CSMD3: variants seen among roughly 807,000 people sequenced by gnomAD.
CSMD3 encodes CUB and Sushi multiple domains 3.
CSMD3 carries 177 observed loss-of-function variants against 435.2 expected under a neutral mutation model. That is an observed-to-expected ratio of 0.41 (90% CI 0.36 to 0.46). The LOEUF is 0.46. Among genes scored for constraint, CSMD3 ranks in the 20% least tolerant of loss-of-function variants. CSMD3 has a pLI of 0.34. For synonymous variants in CSMD3, 1,656 were observed against 1,520.5 expected (o/e 1.09, Z -2.07); for missense variants, 4,265 against 4,504.6 (o/e 0.95, Z 1.52).
chr8:112,994,165 A>G (rs1054319645), intron 6 of CSMD3, among the ~76,000 whole-genome samples: 4 of 151,906 alleles, frequency 2.6e-5, no homozygotes, highest in African/African-American at 9.6e-5. Flanking sequence ...TTTTAATTAT[A>G]TTTTACTTGA....
intron 1 of CSMD3, chr8:113,377,322 T>G (rs989286042): frequency 5.3e-6 from 1 of 187,804 alleles, no homozygotes; most frequent in South Asian, 1.1e-4. Flanking sequence ...TAACATCATT[T>G]TCTTTTTAAA....
chr8:112,430,255 G>A (rs1813515784), intron 32 of CSMD3, among the ~76,000 whole-genome samples: 1 of 151,756 alleles, frequency 6.6e-6, no homozygotes, highest in Admixed American at 6.6e-5. Context: ...CTCAAATGAA[G>A]AGTGACAAAA....
chr8:112,558,045 G>T (rs1828282408), intron 24 of CSMD3, among the ~76,000 whole-genome samples: 1 of 151,852 alleles, frequency 6.6e-6, no homozygotes, highest in African/African-American at 2.4e-5. Flanking sequence ...GGTTTCAAGT[G>T]TTGGCGCTCA....
rs114112718 is a variant in CSMD3, at chr8:112,486,690, T to C, written c.5278+5799A>G. Among the ~76,000 whole-genome samples the C allele has an allele frequency of 8.2e-3, 1,242 of 152,276 alleles. 25 individuals carry two copies. The highest frequency in any genetic ancestry group is 0.028 in the African/African-American group (1,153 of 41,570). ...ACCTAGTTTCTTCTTACTTATACTT[T>C]TAAAATTCTGTTTACATATCACTTT... On this transcript the variant is annotated intron_variant, in intron 31 of 70. Transcript: ENST00000297405.
chr8:113,404,560 C>T (rs2094524231), intron 1 of CSMD3, among the ~76,000 whole-genome samples: 1 of 151,434 alleles, frequency 6.6e-6, no homozygotes, highest in East Asian at 1.9e-4. Flanking sequence ...AGGGGAACAG[C>T]TGTATTATAA....
chr8:112,784,328 A>G (rs1164793534), intron 13 of CSMD3, among the ~76,000 whole-genome samples: 1 of 152,052 alleles, frequency 6.6e-6, no homozygotes, highest in Non-Finnish European at 1.5e-5. Flanking sequence ...ACATCAAAAG[A>G]GTAAAAAAAC....
chr8:112,583,908 A>T (rs541332522), intron 23 of CSMD3, among the ~76,000 whole-genome samples: 2 of 151,892 alleles, frequency 1.3e-5, no homozygotes, highest in Non-Finnish European at 2.9e-5. Flanking sequence ...TTTTTATTTC[A>T]TTTATTATTA....
chr8:112,423,641 C>CT (rs1200977974), intron 32 of CSMD3, among the ~76,000 whole-genome samples: 14 of 152,196 alleles, frequency 9.2e-5, no homozygotes, highest in African/African-American at 3.4e-4. Context: ...GACAGAGTTT[C>CT]ACCATGTTGC....
At chr8:112,927,977 G>T (rs2082966734) in intron 9 of CSMD3, among the ~76,000 whole-genome samples, 1 of 151,972 alleles carries the variant, frequency 6.6e-6, no homozygotes, top group African/African-American at 2.4e-5. Flanking sequence ...ATAACCCCAA[G>T]CTTGGTCATT....
chr8:113,318,974 A>G (rs2132695920), intron 1 of CSMD3, among the ~76,000 whole-genome samples: 1 of 152,082 alleles, frequency 6.6e-6, no homozygotes, highest in African/African-American at 2.4e-5. Context: ...TTGTTTCCAC[A>G]TTTTGACTAT....
chr8:113,237,114 C>T (rs2093159656), intron 3 of CSMD3, among the ~76,000 whole-genome samples: 1 of 152,150 alleles, frequency 6.6e-6, no homozygotes, highest in Admixed American at 6.6e-5. Context: ...ATTATTCCCT[C>T]ATCCCTTTTG....
At chr8:113,039,966 A>G (rs1172540139) in intron 5 of CSMD3, among the ~76,000 whole-genome samples, 1 of 152,174 alleles carries the variant, frequency 6.6e-6, no homozygotes, top group Non-Finnish European at 1.5e-5. Context: ...TATCATCCTC[A>G]AAGAACCTGC....
At chr8:112,312,086 TG>T (rs2130820386) in intron 49 of CSMD3, among the ~76,000 whole-genome samples, 1 of 152,332 alleles carries the variant, frequency 6.6e-6, no homozygotes, top group South Asian at 2.1e-4. Flanking sequence ...TTGTTTAATT[TG>T]AATAGTTTCC....
Position 112,431,055 on chromosome 8 carries a change from A to T in CSMD3, c.5396-22023T>A, listed in dbSNP as rs201737099. Among the ~76,000 whole-genome samples, 32 of 149,320 alleles carry T rather than the reference A, an allele frequency of 2.1e-4. No homozygotes were observed. In the East Asian group the frequency reaches 5.6e-3, roughly 26 times the overall value. On this transcript the variant is annotated intron_variant, in intron 32 of 70. Coordinates refer to ENST00000297405, the MANE Select transcript of CSMD3 (RefSeq NM_198123.2). ...TGGCTCTGAAGATAACTTTAGAATTATTGTTGTCAAGTCATTCCCTGCCCT... is the reference window on the plus strand; with the variant it reads ...TGGCTCTGAAGATAACTTTAGAATTTTTGTTGTCAAGTCATTCCCTGCCCT...
At chr8:112,367,834 A>G (rs1208085179) in intron 38 of CSMD3, among the ~76,000 whole-genome samples, 2 of 152,194 alleles carry the variant, frequency 1.3e-5, no homozygotes, top group African/African-American at 4.8e-5. Flanking sequence ...CCTATGCCAC[A>G]TTTTAAATCT....
At chr8:112,505,681 T>A (rs1411804781) in intron 29 of CSMD3, among the ~76,000 whole-genome samples, 1 of 146,628 alleles carries the variant, frequency 6.8e-6, no homozygotes, top group African/African-American at 2.7e-5. Flanking sequence ...AGTTATTACG[T>A]TTTTTTTCTG....
chr8:112,972,040 T>C (rs1373087832), intron 7 of CSMD3, among the ~76,000 whole-genome samples: 1 of 151,954 alleles, frequency 6.6e-6, no homozygotes, highest in African/African-American at 2.4e-5. Context: ...ATTTAATTTA[T>C]CTATGTGTTA....
chr8:112,947,750 T>G (rs759567701), intron 9 of CSMD3, 40 bp downstream of exon 9: 1 of 859,268 alleles, frequency 1.2e-6, no homozygotes, highest in East Asian at 2.5e-5. Flanking sequence ...AAATAAACCT[T>G]GACAAGATAA....
chr8:112,336,568 C>G lies in CSMD3; in HGVS notation c.7019+84G>C, dbSNP rs1486918202. ...TCAAATATCAGATGACAATTTGTAACAGAGGATTGTGATATATTTTTATTC... is the reference window on the plus strand; with the variant it reads ...TCAAATATCAGATGACAATTTGTAAGAGAGGATTGTGATATATTTTTATTC... On this transcript the variant is annotated intron_variant, in intron 44 of 70. Transcript: ENST00000297405. 1.0e-5 allele frequency: 11 copies of G among 1,050,500 alleles called. No homozygotes were observed. The African/African-American group carries it at 1.6e-4, about 15-fold the overall frequency. 65.1% of individuals were successfully genotyped at this position (1,050,500 alleles called of 1,614,324 possible). A position where few individuals can be genotyped will look rare whatever the true frequency, so the allele number is the denominator to read the frequency against.
Sources: gnomAD v4.1 joint callset for allele counts (sites outside exome capture counted in the v4.1 genomes callset) on GRCh38, gnomAD v4.1.1 for gene constraint, MANE v1.5 for transcripts, NCBI Gene and HGNC (gene_info 2026-07-23, HGNC 2026-07-21) for gene names.